Variants in NOTCH3 observed in about 807,000 individuals in gnomAD.
NOTCH3 encodes the protein neurogenic locus notch homolog protein 3.
Under a neutral mutation model 213.3 loss-of-function variants are expected in NOTCH3, and 86 were observed. The ratio of observed to expected loss-of-function variants is 0.40; its 90% CI spans 0.34 to 0.48. The LOEUF is 0.48. Among genes scored for constraint, NOTCH3 ranks in the 20% least tolerant of loss-of-function variants. NOTCH3 has a pLI of 0.57. For synonymous variants in NOTCH3, 1,354 were observed against 1,355.9 expected (o/e 1.00, Z 0.03); for missense variants, 2,783 against 3,272.6 (o/e 0.85, Z 3.65).
chr19:15,176,471 A>C (rs2046790757), intron 24 of NOTCH3, among the ~76,000 whole-genome samples: 1 of 151,952 alleles, frequency 6.6e-6, no homozygotes, highest in Admixed American at 6.6e-5. Context: ...CAATAAAAGG[A>C]ATTTTTAGGC....
intron 10 of NOTCH3, among the ~76,000 whole-genome samples, 167 bp downstream of exon 10, chr19:15,187,714 A>G (rs1428394202): frequency 1.3e-5 from 2 of 151,892 alleles, no homozygotes; most frequent in Non-Finnish European, 2.9e-5. Flanking sequence ...CTCCACACGT[A>G]GCCTTATGTC....
intron 28 of NOTCH3, among the ~76,000 whole-genome samples, chr19:15,169,612 C>T (rs1015188697): frequency 6.6e-6 from 1 of 152,154 alleles, no homozygotes; most frequent in Non-Finnish European, 1.5e-5. Context: ...CTCAGGTGAT[C>T]CACCTCTGTG....
Position 15,173,054 on chromosome 19 carries a change from C to CTCTTCTTCT in NOTCH3, c.4736+1005_4736+1013dup, listed in dbSNP as rs1219069116. Reference sequence around the variant, plus strand: ...CCCTCCCCCTCCCCCTCCCTCCTCCCTCTTCTTCTTCTTCTTCTTCTTCTT... The same window carrying CTCTTCTTCT: ...CCCTCCCCCTCCCCCTCCCTCCTCCCTCTTCTTCTTCTTCTTCTTCTTCTTCTTCTTCTT... On this transcript the variant is annotated intron_variant, in intron 25 of 32. Transcript: ENST00000263388. Among the ~76,000 whole-genome samples the CTCTTCTTCT allele has an allele frequency of 2.0e-3, 11 of 5,532 alleles. 1 individual carries two copies. Among genetic ancestry groups the CTCTTCTTCT allele is most frequent in the East Asian group, 6.1e-3 (2 of 330 alleles). The allele number at this position is 5,532 out of a possible 152,430, so 3.6% of individuals were successfully genotyped here.
chr19:15,181,878 TGAG>T, intron 16 of NOTCH3, 77 bp from the exon 17 acceptor site: 1 of 1,276,538 alleles, frequency 7.8e-7, no homozygotes, highest in South Asian at 1.3e-5. Context: ...TGCCTTGGAT[TGAG>T]AAGAATTCAG....
At chr19:15,178,354 T>C in intron 23 of NOTCH3, 2 of 490,668 alleles carry the variant, frequency 4.1e-6, no homozygotes. Flanking sequence ...CTCACCCTTT[T>C]CCCTTCAAAC....
chr19:15,159,801 G>GA lies in NOTCH3; in HGVS notation c.*860dup, dbSNP rs1599357793. ...CTGGGCCAGAGGATTACCAGGAAGA[G>GA]AAAGTACCACTCAGGCAGCTCCTCT... is the stretch of plus-strand genomic sequence containing the variant. On this transcript the variant is annotated 3_prime_UTR_variant, in exon 33 of 33. Transcript: ENST00000263388. The GA allele has an allele frequency of 4.3e-6, 1 of 233,602 alleles. No individual in the cohort carries two copies. The highest frequency in any genetic ancestry group is 6.0e-5 in the East Asian group (1 of 16,580). The allele number at this position is 233,602 out of a possible 1,614,324, so 14.5% of individuals were successfully genotyped here.
At chr19:15,195,636 C>A (rs946275639) in intron 2 of NOTCH3, among the ~76,000 whole-genome samples, 1 of 150,252 alleles carries the variant, frequency 6.7e-6, no homozygotes, top group African/African-American at 2.4e-5. Flanking sequence ...AGCAAGGGTG[C>A]GGGTGGCGTT....
intron 16 of NOTCH3, among the ~76,000 whole-genome samples, chr19:15,182,305 G>C (rs951670302): frequency 6.6e-6 from 1 of 151,958 alleles, no homozygotes. Context: ...TCAGGAGTTC[G>C]AGACCAACCT....
At chr19:15,162,063 C>T (rs1158555687) in intron 32 of NOTCH3, among the ~76,000 whole-genome samples, 2 of 145,580 alleles carry the variant, frequency 1.4e-5, no homozygotes, top group South Asian at 4.4e-4. Context: ...TTCACTGCAA[C>T]CTCAGCCTTC....
chr19:15,173,496 G>C (rs920018586), intron 25 of NOTCH3, among the ~76,000 whole-genome samples: 1 of 148,220 alleles, frequency 6.7e-6, no homozygotes, highest in East Asian at 2.0e-4. Flanking sequence ...TTGAATTCCT[G>C]GGCTCAAGTG....
In NOTCH3 at chr19:15,161,494, G is replaced by C; in HGVS notation, c.6134C>G (p.Pro2045Arg). The C allele has an allele frequency of 6.3e-7, 1 of 1,586,526 alleles. No individual in the cohort carries two copies. The highest frequency in any genetic ancestry group is 8.6e-7 in the Non-Finnish European group (1 of 1,166,544). ...GPHGLGPLLC[P>R]PGAFLPGLKA... is the part of the protein sequence containing the mutation. ...GAGGCCAGGGAGGAAGGCCCCTGGA[G>C]GACAGAGCAGAGGCCCCAGGCCGTG... is the stretch of plus-strand genomic sequence containing the variant. The change falls in exon 33 of 33, where the codon CCT (proline) becomes CGT (arginine). Residue 2045 changes from proline (P) to arginine (R), a missense_variant. Physicochemically the swap from Pro to Arg is moderately radical, Grantham distance 103. Around this residue, in one of 6 missense-constraint regions of NOTCH3, gnomAD observed 441 missense variants for 432.1 expected, o/e 1.02. Coordinates refer to ENST00000263388, the MANE Select transcript of NOTCH3 (RefSeq NM_000435.3).
At chr19:15,198,918 A>G (rs1215037668) in intron 1 of NOTCH3, among the ~76,000 whole-genome samples, 4 of 152,102 alleles carry the variant, frequency 2.6e-5, no homozygotes, top group Non-Finnish European at 2.9e-5. Flanking sequence ...AAAAAAAAAA[A>G]AGAGAGAGAG....
rs763667541 is a variant in NOTCH3, at chr19:15,187,310, G to C, written c.1635C>G (p.Asn545Lys). The stretch of plus-strand genomic sequence containing the variant: ...ATGGGTCAGGGGAGCAGTCGTCCAC[G>C]TTGCGATCACACAGCGTGCCCTCAA... Reference protein sequence around the residue: ...EGFEGTLCDRNVDDCSPDPCH... With the variant: ...EGFEGTLCDRKVDDCSPDPCH... Residue 545 changes from asparagine (N) to lysine (K), a missense_variant, in exon 11 of 33, where the codon AAC becomes AAG. Physicochemically the swap from Asn to Lys is moderately conservative, Grantham distance 94. Around this residue, in one of 6 missense-constraint regions of NOTCH3, gnomAD observed 708 missense variants for 906.6 expected, o/e 0.78. Coordinates refer to ENST00000263388, the MANE Select transcript of NOTCH3 (RefSeq NM_000435.3). 6.2e-7 allele frequency: 1 copy of C among 1,613,836 alleles called. No homozygotes were observed. Among genetic ancestry groups the C allele is most frequent in the East Asian group, 2.2e-5 (1 of 44,882 alleles).
intron 19 of NOTCH3, 32 bp from the exon 20 acceptor site, chr19:15,180,288 G>A (rs2145420854): frequency 3.1e-6 from 5 of 1,610,544 alleles, no homozygotes; most frequent in African/African-American, 1.3e-5. Context: ...AGGAACAGAG[G>A]TAACCCCATA....
At chr19:15,163,428 A>G (rs1000616473) in intron 31 of NOTCH3, among the ~76,000 whole-genome samples, 5 of 152,272 alleles carry the variant, frequency 3.3e-5, no homozygotes, top group African/African-American at 7.2e-5. Context: ...AGAAGAAAAC[A>G]TAAGAGTAAA....
At chr19:15,162,234 G>A (rs758407059) in intron 32 of NOTCH3, 2 of 539,344 alleles carry the variant, frequency 3.7e-6, no homozygotes, top group African/African-American at 1.9e-5. Context: ...CACCCATCTC[G>A]ACCTCCCAAA....
chr19:15,185,085 C>G lies in NOTCH3; in HGVS notation c.2297-66G>C, dbSNP rs910065744. On this transcript the variant is annotated intron_variant, in intron 14 of 32. Coordinates refer to ENST00000263388, the MANE Select transcript of NOTCH3 (RefSeq NM_000435.3). The surrounding 1 kb of genome is among the most constrained non-coding windows in gnomAD (Gnocchi z 4.2). ...GGGACTCCCTGATCCCATCTCCCCC[C>G]ACCTCCCCCAACCCCAGGGTCCCCA... The G allele has an allele frequency of 3.1e-5, 39 of 1,246,492 alleles. No homozygotes were observed. Among genetic ancestry groups the G allele is most frequent in the African/African-American group, 1.0e-4 (7 of 67,088 alleles). 77.2% of individuals were successfully genotyped at this position (1,246,492 alleles called of 1,614,324 possible). A position where few individuals can be genotyped will look rare whatever the true frequency, so the allele number is the denominator to read the frequency against.
rs748238171 is a variant in NOTCH3, at chr19:15,191,761, G to A, written c.786C>T (p.Cys262=). 25 of 1,613,786 alleles carry A rather than the reference G, an allele frequency of 1.5e-5. No homozygotes were observed. Among genetic ancestry groups the A allele is most frequent in the Admixed American group, 5.0e-5 (3 of 60,002 alleles). The change falls in exon 5 of 33, where the codon TGC becomes TGT. Residue 262 remains cysteine (C), a synonymous_variant. Transcript: ENST00000263388. ...VDGVNTYNCQ[C]PPEWTGQFCT... The stretch of plus-strand genomic sequence containing the variant: ...AGTGCCCACCTGTCCACTCAGGAGG[G>A]CACTGGCAGTTATAGGTGTTGACGC...
intron 25 of NOTCH3, among the ~76,000 whole-genome samples, chr19:15,171,328 G>A (rs8106509): frequency 0.11 from 17,352 of 152,030 alleles, 3,029 homozygotes; most frequent in African/African-American, 0.38. Flanking sequence ...CACTGTGCCT[G>A]GCCTGTTTTT....
Sources: gnomAD v4.1 joint callset for allele counts (sites outside exome capture counted in the v4.1 genomes callset) on GRCh38, gnomAD v4.1.1 for gene constraint, gnomAD v4.1.1 regional missense constraint, Gnocchi (gnomAD v3.1) non-coding constraint, MANE v1.5 for transcripts, NCBI Gene and HGNC (gene_info 2026-07-23, HGNC 2026-07-21) for gene names.